NRG1: variants seen among roughly 807,000 people sequenced by gnomAD.
NRG1 encodes the protein pro-neuregulin-1, membrane-bound isoform.
NRG1 carries 18 observed loss-of-function variants against 63.8 expected under a neutral mutation model. The observed-to-expected ratio is 0.28, with a 90% CI of 0.19 to 0.42. The LOEUF is 0.42. Among genes scored for constraint, NRG1 ranks in the 10% least tolerant of loss-of-function variants. NRG1 has a pLI of 1.00. For synonymous variants in NRG1, 302 were observed against 301.3 expected, an observed-to-expected ratio of 1.00 and a Z score of -0.02; for missense variants, 762 against 814.7, an observed-to-expected ratio of 0.94 and a Z score of 0.79.
chr8:32,407,264 GTATATATATATTATATA>G (rs1223819487), intron 1 of NRG1, among the ~76,000 whole-genome samples: 10 of 105,200 alleles, frequency 9.5e-5, no homozygotes, highest in South Asian at 2.9e-4. Flanking sequence ...ATGTGTGTGT[GTATATATATATTATATA>G]TATATATATA....
At chr8:32,462,389 C>A (rs1388594983) in intron 1 of NRG1, among the ~76,000 whole-genome samples, 1 of 152,128 alleles carries the variant, frequency 6.6e-6, no homozygotes, top group African/African-American at 2.4e-5. Flanking sequence ...CAGAGAATTA[C>A]ATTCCTAGAA....
At chr8:31,931,317 A>G (rs978871345) in intron 1 of NRG1, among the ~76,000 whole-genome samples, 5 of 152,232 alleles carry the variant, frequency 3.3e-5, no homozygotes, top group South Asian at 2.1e-4. Context: ...ACTCCCCCCA[A>G]AAAAGAGGAA....
intron 1 of NRG1, among the ~76,000 whole-genome samples, chr8:32,031,526 G>A: frequency 6.6e-6 from 1 of 152,010 alleles, no homozygotes; most frequent in East Asian, 1.9e-4. Context: ...AAGATGGCAG[G>A]CCAGTCTCTG....
intron 1 of NRG1, among the ~76,000 whole-genome samples, chr8:32,035,248 G>A (rs770514000): frequency 4.6e-5 from 7 of 152,156 alleles, no homozygotes; most frequent in Admixed American, 4.6e-4. Context: ...CGATGTAGTT[G>A]TGTGGTTTTG....
chr8:32,698,346 C>A (rs1813919494), intron 5 of NRG1, among the ~76,000 whole-genome samples: 1 of 152,106 alleles, frequency 6.6e-6, no homozygotes, highest in South Asian at 2.1e-4. Flanking sequence ...AGAGAAACAT[C>A]AAGAAATACG....
chr8:32,123,521 T>C (rs559124725), intron 1 of NRG1, among the ~76,000 whole-genome samples: 1 of 151,618 alleles, frequency 6.6e-6, no homozygotes, highest in East Asian at 1.9e-4. Context: ...TGGGTATGTC[T>C]TCATTAGCAG....
At chr8:32,257,820 A>G (rs1052537570) in intron 1 of NRG1, among the ~76,000 whole-genome samples, 3 of 152,190 alleles carry the variant, frequency 2.0e-5, no homozygotes, top group African/African-American at 7.2e-5. Context: ...TTAAAACTCA[A>G]TAACTCACTC....
intron 1 of NRG1, among the ~76,000 whole-genome samples, chr8:31,925,171 T>TA (rs1585805953): frequency 6.7e-6 from 1 of 148,506 alleles, no homozygotes. Context: ...TATACATATA[T>TA]TTGCTTTTGA....
At chr8:32,154,641 G>T (rs1156695865) in intron 1 of NRG1, among the ~76,000 whole-genome samples, 1 of 152,154 alleles carries the variant, frequency 6.6e-6, no homozygotes, top group East Asian at 1.9e-4. Flanking sequence ...ACAAGGCAGT[G>T]AAAAATGTTG....
At chr8:31,695,378 G>A (rs116142014) in intron 1 of NRG1, among the ~76,000 whole-genome samples, 1,954 of 152,220 alleles carry the variant, frequency 0.013, 52 homozygotes, top group African/African-American at 0.045. Flanking sequence ...CCCTGTTGGC[G>A]AGGCTGATCT....
At chr8:32,101,414 G>T (rs183891775) in intron 1 of NRG1, among the ~76,000 whole-genome samples, 147 of 150,434 alleles carry the variant, frequency 9.8e-4, no homozygotes, top group African/African-American at 3.4e-3. Context: ...GGAAAAGCTT[G>T]TTCCTTAAAG....
chr8:31,802,401 C>T (rs1310423504), intron 1 of NRG1, among the ~76,000 whole-genome samples: 3 of 152,068 alleles, frequency 2.0e-5, no homozygotes, highest in Non-Finnish European at 2.9e-5. Context: ...TGTTTAAATT[C>T]CTCGTACATA....
chr8:32,667,985 A>G (rs1041909905), intron 5 of NRG1, among the ~76,000 whole-genome samples: 7 of 151,998 alleles, frequency 4.6e-5, no homozygotes, highest in Admixed American at 6.6e-5. Context: ...GGCCGAGGCA[A>G]GCGGATCACC....
intron 1 of NRG1, among the ~76,000 whole-genome samples, chr8:32,301,607 C>T (rs4733118): frequency 0.47 from 71,536 of 152,076 alleles, 17,082 homozygotes; most frequent in East Asian, 0.64. Flanking sequence ...CAGTTCCACA[C>T]GGCTGGGGAG....
rs147854929 is a variant in NRG1, at chr8:31,914,654, G to A, written c.37+275223G>A. On this transcript the variant is annotated intron_variant, in intron 1 of 10. Coordinates refer to the NRG1 transcript ENST00000519301. The stretch of plus-strand genomic sequence containing the variant: ...TACCCATACATAATGTTAAGTTCAC[G>A]TTTAGGAAAGTAGTACCAGTTAATA... Among the ~76,000 whole-genome samples, 715 of 152,058 alleles carry A rather than the reference G, an allele frequency of 4.7e-3. 6 individuals are homozygous for A. Among genetic ancestry groups the A allele is most frequent in the African/African-American group, 0.016 (647 of 41,492 alleles).
intron 5 of NRG1, among the ~76,000 whole-genome samples, chr8:32,653,175 G>A (rs778585143): frequency 2.6e-5 from 4 of 151,082 alleles, no homozygotes; most frequent in East Asian, 1.9e-4. Context: ...GTGAATGTAC[G>A]CTAAGTGCCT....
chr8:32,506,331 T>C (rs1210241658), intron 1 of NRG1, among the ~76,000 whole-genome samples: 1 of 152,130 alleles, frequency 6.6e-6, no homozygotes, highest in Non-Finnish European at 1.5e-5. Flanking sequence ...AAGGGAGGAC[T>C]TCATCGAATT....
chr8:32,525,514 C>A (rs1295670535), intron 1 of NRG1, among the ~76,000 whole-genome samples: 3 of 151,792 alleles, frequency 2.0e-5, no homozygotes, highest in Non-Finnish European at 4.4e-5. Context: ...TGTAGGCTTT[C>A]ACTTAATTTC....
intron 1 of NRG1, among the ~76,000 whole-genome samples, chr8:31,847,372 C>T (rs1253949200): frequency 6.6e-6 from 1 of 151,890 alleles, no homozygotes; most frequent in Non-Finnish European, 1.5e-5. Flanking sequence ...CACTTCCATT[C>T]ATTCAATAAA....
Sources: gnomAD v4.1 joint callset for allele counts (sites outside exome capture counted in the v4.1 genomes callset) on GRCh38, gnomAD v4.1.1 for gene constraint, MANE v1.5 for transcripts, NCBI Gene and HGNC (gene_info 2026-07-23, HGNC 2026-07-21) for gene names.